The following TENM2 variants were observed in gnomAD, a reference collection of about 807,000 sequenced individuals.
TENM2 encodes teneurin-2.
Under a neutral mutation model 245.2 loss-of-function variants are expected in TENM2, and 52 were observed. That is an observed-to-expected ratio of 0.21 (90% CI 0.17 to 0.27). TENM2 has a LOEUF of 0.27. TENM2 is among the 10% of genes least tolerant of loss of function. TENM2 has a pLI of 1.00. For synonymous variants in TENM2, 1,363 were observed against 1,438.9 expected (o/e 0.95, Z 1.19); for missense variants, 3,046 against 3,666.8 (o/e 0.83, Z 4.37).
the TENM2 span, among the ~76,000 whole-genome samples, chr5:167,140,142 T>C: frequency 6.6e-6 from 1 of 152,128 alleles, no homozygotes; most frequent in African/African-American, 2.4e-5. Flanking sequence ...TACTGTTTTT[T>C]ACTTTAAAAA....
intron 2 of TENM2, among the ~76,000 whole-genome samples, chr5:167,395,184 A>C (rs1761983039): frequency 6.6e-6 from 1 of 152,090 alleles, no homozygotes; most frequent in Non-Finnish European, 1.5e-5. Context: ...AAAGTTTTAT[A>C]GTTTTCACTG....
intron 4 of TENM2, among the ~76,000 whole-genome samples, chr5:167,992,487 A>G (rs1783740932): frequency 6.6e-6 from 1 of 152,226 alleles, no homozygotes; most frequent in Non-Finnish European, 1.5e-5. Flanking sequence ...GTGTATGTAT[A>G]GCACATTATC....
intron 5 of TENM2, among the ~76,000 whole-genome samples, chr5:167,999,313 A>G (rs906437169): frequency 1.3e-5 from 2 of 152,254 alleles, no homozygotes; most frequent in African/African-American, 4.8e-5. Context: ...AAACTGAGAA[A>G]AAGAGAGCTG....
the TENM2 span, among the ~76,000 whole-genome samples, chr5:167,176,263 T>TTTG: frequency 1.3e-5 from 2 of 152,322 alleles, no homozygotes; most frequent in East Asian, 1.9e-4. Context: ...TCCGAAACTT[T>TTTG]TTGTTGTTGT....
At chr5:167,508,448 A>G (rs1769705066) in intron 2 of TENM2, among the ~76,000 whole-genome samples, 1 of 152,208 alleles carries the variant, frequency 6.6e-6, no homozygotes, top group Admixed American at 6.5e-5. Flanking sequence ...TGTAAACCTC[A>G]GCTCAATTAA....
chr5:167,162,632 A>G, the TENM2 span, among the ~76,000 whole-genome samples: 1 of 146,922 alleles, frequency 6.8e-6, no homozygotes, highest in Admixed American at 6.6e-5. Context: ...ATCTAAAAAA[A>G]AAAAACAACA....
intron 5 of TENM2, among the ~76,000 whole-genome samples, chr5:168,019,364 T>A (rs1785943535): frequency 6.6e-6 from 1 of 151,672 alleles, no homozygotes; most frequent in Admixed American, 6.6e-5. Flanking sequence ...AGTGATGGGG[T>A]GAAAACTAGA....
At chr5:167,962,948 C>A (rs898071642) in intron 4 of TENM2, among the ~76,000 whole-genome samples, 1 of 152,134 alleles carries the variant, frequency 6.6e-6, no homozygotes, top group South Asian at 2.1e-4. Context: ...TTTATTGAGT[C>A]CCTTGTGTAT....
At chr5:167,626,942 A>G (rs895784393) in intron 2 of TENM2, among the ~76,000 whole-genome samples, 1 of 152,144 alleles carries the variant, frequency 6.6e-6, no homozygotes, top group Non-Finnish European at 1.5e-5. Context: ...CCCGAAGACA[A>G]TGACTCTCTT....
intron 5 of TENM2, among the ~76,000 whole-genome samples, chr5:168,023,709 T>C (rs1408269075): frequency 1.7e-4 from 26 of 152,332 alleles, no homozygotes; most frequent in Non-Finnish European, 8.8e-5. Flanking sequence ...TGTATGCAGA[T>C]GCAAGCAAAC....
At chr5:167,714,456 A>G (rs1292501749) in intron 2 of TENM2, among the ~76,000 whole-genome samples, 1 of 152,120 alleles carries the variant, frequency 6.6e-6, no homozygotes, top group African/African-American at 2.4e-5. Flanking sequence ...TACTGGAAAC[A>G]AGAGCAAGGG....
intron 2 of TENM2, among the ~76,000 whole-genome samples, chr5:167,846,221 C>T (rs1401906462): frequency 6.6e-6 from 1 of 152,196 alleles, no homozygotes; most frequent in African/African-American, 2.4e-5. Context: ...TGTCTGGTTC[C>T]ATGTCACTTT....
chr5:168,145,050 G>A (rs1423009483), intron 12 of TENM2, among the ~76,000 whole-genome samples: 1 of 151,832 alleles, frequency 6.6e-6, no homozygotes, highest in African/African-American at 2.4e-5. Context: ...TTGTAAATTT[G>A]TTTGAGTTCA....
intron 1 of TENM2, among the ~76,000 whole-genome samples, chr5:167,360,823 TTTAA>T (rs1469889961): frequency 5.3e-5 from 8 of 152,122 alleles, no homozygotes; most frequent in African/African-American, 1.9e-4. Flanking sequence ...GGAGTGGAAG[TTTAA>T]TTAGAGTGCG....
intron 2 of TENM2, among the ~76,000 whole-genome samples, chr5:167,686,837 T>G (rs191561720): frequency 7.9e-5 from 12 of 152,168 alleles, no homozygotes; most frequent in African/African-American, 2.7e-4. Context: ...GAGCCCCATT[T>G]CTATTAGGTT....
In TENM2 at chr5:167,859,615, A is replaced by G. The variant is rs1241311723; in HGVS notation, c.503-16371A>G. On this transcript the variant is annotated intron_variant, in intron 2 of 28. Transcript: ENST00000518659. The stretch of plus-strand genomic sequence containing the variant: ...CGTCCGGGAGGGAGGTGGGGGGGTC[A>G]GCCCTCCGCCCGGCCAGCCGCCCCG... 2.6e-3 allele frequency among the ~76,000 whole-genome samples: 265 copies of G among 100,752 alleles called. 2 individuals are homozygous for G. Among genetic ancestry groups the G allele is most frequent in the African/African-American group, 0.011 (256 of 22,852 alleles). The allele number at this position is 100,752 out of a possible 152,430, so 66.1% of individuals were successfully genotyped here. A position where few individuals can be genotyped will look rare whatever the true frequency, so the allele number is the denominator to read the frequency against.
intron 6 of TENM2, among the ~76,000 whole-genome samples, chr5:168,050,478 G>A (rs1409819531): frequency 1.3e-5 from 2 of 151,978 alleles, no homozygotes; most frequent in African/African-American, 2.4e-5. Flanking sequence ...AAATAACACC[G>A]CCTCCTTTTT....
chr5:167,310,526 GA>G (rs1755969949), intron 1 of TENM2, among the ~76,000 whole-genome samples: 1 of 152,058 alleles, frequency 6.6e-6, no homozygotes, highest in Admixed American at 6.6e-5. Flanking sequence ...TTCTTTCAGA[GA>G]AAACTTAATA....
intron 2 of TENM2, among the ~76,000 whole-genome samples, chr5:167,772,544 G>T (rs185673074): frequency 2.5e-4 from 38 of 152,172 alleles, no homozygotes; most frequent in Admixed American, 2.2e-3. Context: ...TTTTATGTTA[G>T]GACTTTGAAG....
Sources: allele counts gnomAD v4.1 joint callset (sites outside exome capture counted in the v4.1 genomes callset), GRCh38; gene constraint gnomAD v4.1.1; transcripts MANE v1.5; gene names NCBI Gene and HGNC (gene_info 2026-07-23, HGNC 2026-07-21).